Variants in CFAP251 observed in about 807,000 individuals in gnomAD.
CFAP251 encodes the protein cilia and flagella associated protein 251.
CFAP251 carries 93 observed loss-of-function variants against 126.7 expected under a neutral mutation model. The ratio of observed to expected loss-of-function variants is 0.73; its 90% CI spans 0.62 to 0.87. The LOEUF is 0.87. CFAP251 is among the 40% of genes least tolerant of loss of function. The pLI, the probability that CFAP251 is intolerant of heterozygous loss-of-function variation, is 0.00. For synonymous variants in CFAP251, 503 were observed against 506.9 expected, an observed-to-expected ratio of 0.99 and a Z score of 0.10; for missense variants, 1,287 against 1,389.2, an observed-to-expected ratio of 0.93 and a Z score of 1.17.
intron 7 of CFAP251, 58 bp from the exon 8 acceptor site, chr12:121,948,926 C>A: frequency 1.0e-6 from 1 of 999,238 alleles, no homozygotes; most frequent in Non-Finnish European, 1.5e-6. Flanking sequence ...TTTTAACATT[C>A]AGCTTAACCA....
chr12:121,977,120 C>G (rs1882480070), intron 19 of CFAP251, among the ~76,000 whole-genome samples: 2 of 152,200 alleles, frequency 1.3e-5, no homozygotes, highest in African/African-American at 4.8e-5. Flanking sequence ...GCAGAGCCTA[C>G]TACACGCCTG....
rs74935689 is a variant in CFAP251 at position 121,992,223 on chromosome 12, C to G, written c.3007-7493C>G. On this transcript the variant is annotated intron_variant, in intron 19 of 21. Coordinates refer to ENST00000288912, the MANE Select transcript of CFAP251 (RefSeq NM_144668.6). ...AAGCTCTGCGTTCTATTTCCAGCTC[C>G]GAGGTTCCTCTCCCAAGCATGAACT... 4.0e-4 allele frequency: 390 copies of G among 985,458 alleles called. 8 individuals carry two copies. In the East Asian group the frequency reaches 0.036, roughly 90 times the overall value. 61.0% of individuals were successfully genotyped at this position (985,458 alleles called of 1,614,324 possible).
At chr12:121,971,716 T>C (rs1882332820) in intron 17 of CFAP251, 2 of 675,550 alleles carry the variant, frequency 3.0e-6, no homozygotes, top group Non-Finnish European at 2.7e-6. Flanking sequence ...AAACATTCAT[T>C]ACAGGAGGAA....
intron 19 of CFAP251, among the ~76,000 whole-genome samples, chr12:121,978,424 A>G (rs1882535725): frequency 6.9e-6 from 1 of 145,554 alleles, no homozygotes; most frequent in Non-Finnish European, 1.5e-5. Context: ...AAAAAAAATT[A>G]TCCGAAAACA....
At chr12:121,939,351 C>T (rs577130709) in intron 5 of CFAP251, among the ~76,000 whole-genome samples, 82 of 152,236 alleles carry the variant, frequency 5.4e-4, no homozygotes, top group Non-Finnish European at 9.4e-4. Context: ...GGCTGCTACA[C>T]GCTCTCAGCT....
intron 21 of CFAP251, among the ~76,000 whole-genome samples, chr12:122,003,399 C>T (rs1883189313): frequency 6.6e-6 from 1 of 151,850 alleles, no homozygotes; most frequent in Admixed American, 6.6e-5. Flanking sequence ...TAGCGAGACC[C>T]CATCTCTACA....
Position 121,928,704 on chromosome 12 carries a change from AT to A in CFAP251, c.748-3032del, listed in dbSNP as rs60425515. On this transcript the variant is annotated intron_variant, in intron 3 of 21. Transcript: ENST00000288912. ...TATATATATACGTATATATATATAT[AT>A]TTTTTTTTTGAGACAGGGTCTTGCT... Among the ~76,000 whole-genome samples, 29 of 60,346 alleles carry A rather than the reference AT, an allele frequency of 4.8e-4. 2 individuals are homozygous for A. Among genetic ancestry groups the A allele is most frequent in the African/African-American group, 9.7e-4 (24 of 24,732 alleles). 39.6% of individuals were successfully genotyped at this position (60,346 alleles called of 152,430 possible).
rs1165889971 is a variant in CFAP251 at position 121,951,508 on chromosome 12, G to A, written c.1298G>A (p.Ser433Asn). Residue 433 changes from serine (S) to asparagine (N), a missense_variant, in exon 9 of 22, where the codon AGT (serine) becomes AAT (asparagine). By Grantham distance (46) the Ser-to-Asn change is conservative (BLOSUM62 1). Transcript: ENST00000288912. Reference sequence around the variant, plus strand: ...GAAGAGAGGGATACACTGGCTCACAGTGCCCCACTTTTAACTGAAAAAGTG... The same window carrying A: ...GAAGAGAGGGATACACTGGCTCACAATGCCCCACTTTTAACTGAAAAAGTG... Reference protein sequence around the residue: ...WYEERDTLAHSAPLLTEKTFN... With the variant: ...WYEERDTLAHNAPLLTEKTFN... The A allele has an allele frequency of 6.3e-7, 1 of 1,583,844 alleles. No homozygotes were observed. Among genetic ancestry groups the A allele is most frequent in the African/African-American group, 1.3e-5 (1 of 74,634 alleles).
At chr12:121,944,810 G>A (rs80146824) in intron 7 of CFAP251, among the ~76,000 whole-genome samples, 1 of 151,948 alleles carries the variant, frequency 6.6e-6, no homozygotes, top group South Asian at 2.1e-4. Flanking sequence ...TTTGAGACAG[G>A]GTCTCACTGC....
At position 121,958,503 on chromosome 12, in the gene CFAP251, T is replaced by G; in HGVS notation, c.1962T>G (p.Ser654Arg). Residue 654 changes from serine (S) to arginine (R), a missense_variant, in exon 12 of 22, where the codon AGT becomes AGG. By Grantham distance (110) the Ser-to-Arg change is moderately radical. Coordinates refer to ENST00000288912, the MANE Select transcript of CFAP251 (RefSeq NM_144668.6). Reference protein sequence around the residue: ...RVFEKGLGVQSLTYNPEGALL... With the variant: ...RVFEKGLGVQRLTYNPEGALL... The stretch of plus-strand genomic sequence containing the variant: ...TTGAGAAGGGGCTTGGAGTCCAGAG[T>G]CTGACCTACAACCCCGAAGGTATTT... 6.2e-7 allele frequency: 1 copy of G among 1,614,158 alleles called. No homozygotes were observed. Among genetic ancestry groups the G allele is most frequent in the Non-Finnish European group, 8.5e-7 (1 of 1,180,022 alleles).
chr12:121,951,679 C>T (rs1881531712), intron 9 of CFAP251, 149 bp downstream of exon 9: 1 of 527,682 alleles, frequency 1.9e-6, no homozygotes, highest in African/African-American at 1.9e-5. Context: ...GTCCTGTATA[C>T]ATATTGAATT....
chr12:121,993,972 T>G (rs1309519061), intron 19 of CFAP251, among the ~76,000 whole-genome samples: 3 of 32,394 alleles, frequency 9.3e-5, no homozygotes, highest in Admixed American at 2.9e-4. Flanking sequence ...GGGAGGGAGG[T>G]GGGGGGGTCA....
Position 121,962,109 on chromosome 12 carries a change from T to G in CFAP251, c.2439T>G (p.Ile813Met). 2 of 1,613,960 alleles carry G rather than the reference T, an allele frequency of 1.2e-6. No individual in the cohort carries two copies. The highest frequency in any genetic ancestry group is 1.7e-6 in the Non-Finnish European group (2 of 1,180,030). Reference protein sequence around the residue: ...PPLTRELFLLICNSGYKVKLF... With the variant: ...PPLTRELFLLMCNSGYKVKLF... ...TCACCAGGGAACTCTTCCTGCTTATTTGCAACAGTGGCTACAAAGTGAAGC... is the reference window on the plus strand; with the variant it reads ...TCACCAGGGAACTCTTCCTGCTTATGTGCAACAGTGGCTACAAAGTGAAGC... Residue 813 changes from isoleucine (I) to methionine (M), a missense_variant, in exon 15 of 22, where the codon ATT becomes ATG. Coordinates refer to ENST00000288912, the MANE Select transcript of CFAP251 (RefSeq NM_144668.6).
intron 20 of CFAP251, among the ~76,000 whole-genome samples, chr12:122,001,198 A>G (rs184565399): frequency 5.9e-4 from 90 of 151,484 alleles, no homozygotes; most frequent in African/African-American, 2.1e-3. Context: ...CTGGGATTAC[A>G]GGCCGCGCCA....
At chr12:121,945,819 C>G (rs960638671) in intron 7 of CFAP251, among the ~76,000 whole-genome samples, 1 of 151,696 alleles carries the variant, frequency 6.6e-6, no homozygotes, top group Non-Finnish European at 1.5e-5. Flanking sequence ...GCGCCCACCA[C>G]CACGCCTGGC....
intron 7 of CFAP251, among the ~76,000 whole-genome samples, chr12:121,943,547 C>T (rs1035469481): frequency 9.2e-5 from 14 of 151,976 alleles, no homozygotes; most frequent in Admixed American, 2.0e-4. Context: ...CTCAGCCTCC[C>T]GAGTAGCTGG....
At chr12:121,969,851 GA>G (rs1882275135) in intron 17 of CFAP251, 2 of 985,078 alleles carry the variant, frequency 2.0e-6, no homozygotes, top group Non-Finnish European at 2.4e-6. Flanking sequence ...TTAAGAAGAA[GA>G]AAAAAAGGCC....
At chr12:121,982,269 T>TGATC (rs1882640041) in intron 19 of CFAP251, among the ~76,000 whole-genome samples, 1 of 151,590 alleles carries the variant, frequency 6.6e-6, no homozygotes, top group Non-Finnish European at 1.5e-5. Context: ...TGCAGTGGTG[T>TGATC]GATCACAGCT....
intron 19 of CFAP251, among the ~76,000 whole-genome samples, chr12:121,983,270 C>T (rs540799207): frequency 4.5e-4 from 67 of 150,446 alleles, no homozygotes; most frequent in African/African-American, 1.6e-3. Context: ...GGTGTGCAAC[C>T]GGAGTCCCAG....
Sources: gnomAD v4.1 joint callset for allele counts (sites outside exome capture counted in the v4.1 genomes callset) on GRCh38, gnomAD v4.1.1 for gene constraint, MANE v1.5 for transcripts, NCBI Gene and HGNC (gene_info 2026-07-23, HGNC 2026-07-21) for gene names.